MRPL3: variants seen among roughly 807,000 people sequenced by gnomAD.
MRPL3 encodes the protein large ribosomal subunit protein uL3m.
In MRPL3, 43 loss-of-function variants were observed where a neutral mutation model predicts 44.3. The observed-to-expected ratio is 0.97, with a 90% confidence interval of 0.76 to 1.25. MRPL3 has a LOEUF of 1.25. MRPL3 is among the 50% of genes most tolerant of loss of function. MRPL3 has a pLI of 0.00. For missense variants in MRPL3, 406 were observed against 427.6 expected, an observed-to-expected ratio of 0.95 and a Z score of 0.45; for synonymous variants, 171 against 152.3, an observed-to-expected ratio of 1.12 and a Z score of -0.91.
chr3:131,498,001 CAA>C, intron 4 of MRPL3, 176 bp downstream of exon 4: 1 of 606,942 alleles, frequency 1.6e-6, no homozygotes, highest in Non-Finnish European at 2.9e-6. Context: ...AGAACAAACT[CAA>C]GAGTCTCCAA....
At chr3:131,469,290 C>T (rs1028821419) in intron 8 of MRPL3, among the ~76,000 whole-genome samples, 2 of 150,766 alleles carry the variant, frequency 1.3e-5, no homozygotes, top group Admixed American at 6.6e-5. Flanking sequence ...TATACCCTTC[C>T]ACTCTTCTGT....
intron 6 of MRPL3, among the ~76,000 whole-genome samples, chr3:131,480,810 T>C (rs1272479672): frequency 1.3e-5 from 2 of 152,234 alleles, no homozygotes; most frequent in East Asian, 1.9e-4. Flanking sequence ...TCTACTGTCA[T>C]GTATTATTTC....
chr3:131,463,319 C>G, intron 9 of MRPL3, among the ~76,000 whole-genome samples: 1 of 151,710 alleles, frequency 6.6e-6, no homozygotes, highest in Non-Finnish European at 1.5e-5. Context: ...TCTTCCCCTA[C>G]CAAAAGAGTC....
chr3:131,490,219 C>A, intron 4 of MRPL3, 139 bp from the exon 5 acceptor site: 1 of 601,354 alleles, frequency 1.7e-6, no homozygotes. Context: ...AAAGGGCACC[C>A]AATTCCCCTT....
chr3:131,489,154 T>A (rs2110709855), intron 5 of MRPL3, among the ~76,000 whole-genome samples: 1 of 152,266 alleles, frequency 6.6e-6, no homozygotes, highest in Non-Finnish European at 1.5e-5. Context: ...TTTAGAACTA[T>A]CCCTTTATAT....
intron 6 of MRPL3, among the ~76,000 whole-genome samples, chr3:131,473,496 T>C (rs1048600211): frequency 6.6e-6 from 1 of 151,580 alleles, no homozygotes; most frequent in African/African-American, 2.4e-5. Context: ...GCTGGGCAAG[T>C]ATTTTTAAAT....
intron 6 of MRPL3, among the ~76,000 whole-genome samples, chr3:131,481,259 C>G (rs182473341): frequency 1.6e-4 from 25 of 152,206 alleles, no homozygotes; most frequent in Admixed American, 1.2e-3. Context: ...AATTGAATTC[C>G]TAATAATGTC....
At position 131,502,073 on chromosome 3, in the gene MRPL3, T is replaced by C. The variant is rs182148135; in HGVS notation, c.93-358A>G. ...GAGGTGGCAGAAGGTGGCATGTTGA[T>C]CTTTGTCTAACAAGCTCACCTCCTC... On this transcript the variant is annotated intron_variant, in intron 1 of 9. Coordinates refer to ENST00000264995, the MANE Select transcript of MRPL3 (RefSeq NM_007208.4). 99 of 646,036 alleles carry C rather than the reference T, an allele frequency of 1.5e-4. 1 individual carries two copies. Among genetic ancestry groups the C allele is most frequent in the Non-Finnish European group, 2.1e-4 (80 of 379,824 alleles). The allele number at this position is 646,036 out of a possible 1,614,324, so 40.0% of individuals were successfully genotyped here. A position where few individuals can be genotyped will look rare whatever the true frequency, so the allele number is the denominator to read the frequency against.
intron 6 of MRPL3, among the ~76,000 whole-genome samples, chr3:131,473,284 A>C (rs925077626): frequency 6.6e-6 from 1 of 152,192 alleles, no homozygotes; most frequent in Non-Finnish European, 1.5e-5. Flanking sequence ...TTTTTGACAA[A>C]GGTGGCAATA....
chr3:131,496,431 T>C (rs899452291), intron 4 of MRPL3, among the ~76,000 whole-genome samples: 18 of 152,308 alleles, frequency 1.2e-4, no homozygotes, highest in African/African-American at 3.1e-4. Flanking sequence ...TATTCAAAAA[T>C]AGCTAACTTC....
rs775277638 is a variant in MRPL3 at position 131,462,840 on chromosome 3, G to A, written c.930C>T (p.Leu310=). 25 of 1,611,518 alleles carry A rather than the reference G, an allele frequency of 1.6e-5. No homozygotes were observed. Among genetic ancestry groups the A allele is most frequent in the African/African-American group, 5.4e-5 (4 of 74,764 alleles). The part of the protein sequence containing the change: ...KDSKLPAYKD[L]GKNLPFPTYF... ...ATGTAGGGAATGGTAGATTTTTACC[G>A]AGATCCTTATATGCAGGCAGTTTAG... is the stretch of plus-strand genomic sequence containing the variant. Residue 310 remains leucine (L), a synonymous_variant, in exon 10 of 10, where the codon CTC becomes CTT. Coordinates refer to ENST00000264995, the MANE Select transcript of MRPL3 (RefSeq NM_007208.4).
intron 2 of MRPL3, among the ~76,000 whole-genome samples, chr3:131,500,754 T>C (rs1281049015): frequency 6.6e-6 from 1 of 152,176 alleles, no homozygotes; most frequent in Non-Finnish European, 1.5e-5. Flanking sequence ...CAAACATAAA[T>C]ATATGAAATA....
intron 6 of MRPL3, among the ~76,000 whole-genome samples, chr3:131,482,423 G>A (rs1039897927): frequency 2.0e-5 from 3 of 151,884 alleles, no homozygotes; most frequent in Non-Finnish European, 2.9e-5. Flanking sequence ...GCTGAGGCAG[G>A]AGAATGGCGT....
At chr3:131,490,196 T>C in intron 4 of MRPL3, 116 bp from the exon 5 acceptor site, 4 of 699,776 alleles carry the variant, frequency 5.7e-6, no homozygotes, top group Non-Finnish European at 9.9e-6. Context: ...GCATACCTTA[T>C]TCCTTAATGA....
intron 6 of MRPL3, among the ~76,000 whole-genome samples, chr3:131,480,705 C>A (rs1933964124): frequency 6.6e-6 from 1 of 152,116 alleles, no homozygotes; most frequent in Non-Finnish European, 1.5e-5. Context: ...ATAAACAATT[C>A]TACAATATCA....
chr3:131,465,259 C>T (rs1317085429), intron 9 of MRPL3, among the ~76,000 whole-genome samples: 2 of 152,130 alleles, frequency 1.3e-5, no homozygotes, highest in East Asian at 3.8e-4. Flanking sequence ...TGAGTATCTT[C>T]AGTGATGGCA....
rs1196205451 is a variant in MRPL3 at position 131,487,850 on chromosome 3, A to C, written c.569-110T>G. The C allele has an allele frequency of 9.1e-6, 7 of 765,210 alleles. No homozygotes were observed. In the Admixed American group the frequency reaches 2.1e-4, roughly 22 times the overall value. The allele number at this position is 765,210 out of a possible 1,614,324, so 47.4% of individuals were successfully genotyped here. A position where few individuals can be genotyped will look rare whatever the true frequency, so the allele number is the denominator to read the frequency against. On this transcript the variant is annotated intron_variant, in intron 5 of 9. Transcript: ENST00000264995. The stretch of plus-strand genomic sequence containing the variant: ...CTTCTAGCTGATTTCAAAAATGGTA[A>C]GAGATTCTCTTCTGCAATTAGAAAC...
chr3:131,474,070 G>T (rs1933799440), intron 6 of MRPL3, among the ~76,000 whole-genome samples: 1 of 152,116 alleles, frequency 6.6e-6, no homozygotes, highest in Non-Finnish European at 1.5e-5. Flanking sequence ...ATATCCAAAG[G>T]ACATGAAATC....
intron 6 of MRPL3, among the ~76,000 whole-genome samples, chr3:131,486,399 A>T (rs1397081213): frequency 6.7e-6 from 1 of 149,532 alleles, no homozygotes; most frequent in South Asian, 2.1e-4. Context: ...AAACCAAAAA[A>T]AACTACCATC....
Sources: allele counts gnomAD v4.1 joint callset (sites outside exome capture counted in the v4.1 genomes callset), GRCh38; gene constraint gnomAD v4.1.1; transcripts MANE v1.5; gene names NCBI Gene and HGNC (gene_info 2026-07-23, HGNC 2026-07-21).